The following GRIK4 variants were observed in gnomAD, a reference collection of about 807,000 sequenced individuals.
The protein encoded by GRIK4 is glutamate ionotropic receptor kainate type subunit 4.
GRIK4 carries 40 observed loss-of-function variants against 104.9 expected under a neutral mutation model. The observed-to-expected ratio is 0.38, with a 90% CI of 0.30 to 0.50. GRIK4 has a LOEUF of 0.50. GRIK4 is among the 20% of genes least tolerant of loss of function. The pLI, the probability that GRIK4 is intolerant of heterozygous loss-of-function variation, is 0.93. For synonymous variants in GRIK4, 485 were observed against 524.9 expected, an observed-to-expected ratio of 0.92 and a Z score of 1.04; for missense variants, 1,047 against 1,308.1, an observed-to-expected ratio of 0.80 and a Z score of 3.08.
chr11:120,712,050 G>T (rs1191782656), intron 3 of GRIK4, among the ~76,000 whole-genome samples: 1 of 152,276 alleles, frequency 6.6e-6, no homozygotes, highest in Non-Finnish European at 1.5e-5. Context: ...AGCACACAAG[G>T]TCGCTGCTTC....
At chr11:120,516,920 T>A (rs1274680910) in intron 1 of GRIK4, among the ~76,000 whole-genome samples, 1 of 151,786 alleles carries the variant, frequency 6.6e-6, no homozygotes, top group Non-Finnish European at 1.5e-5. Context: ...GGGCGGCGGC[T>A]GCTGCGTTCC....
intron 3 of GRIK4, among the ~76,000 whole-genome samples, chr11:120,732,017 T>C (rs1951139978): frequency 6.6e-6 from 1 of 150,714 alleles, no homozygotes; most frequent in South Asian, 2.1e-4. Context: ...GTTTCATTGA[T>C]TTTTTTGTAT....
In GRIK4 at chr11:120,819,529, A is replaced by G. The variant is rs962636972; in HGVS notation, c.346-226A>G. On this transcript the variant is annotated intron_variant, in intron 5 of 20. Transcript: ENST00000527524. This position sits in a 1 kb window ranked among gnomAD's most constrained non-coding sequence, Gnocchi z 4.3. ...GTGCATTCATCCGGGTCTCTGGACA[A>G]ATAGTTTTCTGTCCTGGGGCTGCTT... Among the ~76,000 whole-genome samples the G allele has an allele frequency of 2.6e-5, 4 of 152,146 alleles. No individual in the cohort carries two copies. Among genetic ancestry groups the G allele is most frequent in the African/African-American group, 9.7e-5 (4 of 41,432 alleles).
At chr11:120,709,851 CG>C (rs1227990908) in intron 3 of GRIK4, among the ~76,000 whole-genome samples, 1 of 152,038 alleles carries the variant, frequency 6.6e-6, no homozygotes, top group Non-Finnish European at 1.5e-5. Context: ...ATAAAATGGC[CG>C]GGATGCTCTC....
chr11:120,642,378 C>T (rs1949480949), intron 1 of GRIK4, among the ~76,000 whole-genome samples: 1 of 152,046 alleles, frequency 6.6e-6, no homozygotes, highest in Admixed American at 6.5e-5. Flanking sequence ...CCAGTACTAT[C>T]ACGAAAAGAA....
At position 120,616,298 on chromosome 11, in the gene GRIK4, A is replaced by T. The variant is rs906251173; in HGVS notation, c.-158-37387A>T. ...GGGCCATGATGGATTGTGACCACTC[A>T]GCTTGTGGGTCAATAATCCCTTTAC... On this transcript the variant is annotated intron_variant, in intron 1 of 20. Transcript: ENST00000527524. 3.9e-4 allele frequency among the ~76,000 whole-genome samples: 59 copies of T among 152,136 alleles called. 1 individual carries two copies. Among genetic ancestry groups the T allele is most frequent in the African/African-American group, 1.4e-3 (57 of 41,424 alleles).
At chr11:120,517,693 A>G (rs1338209382) in intron 1 of GRIK4, among the ~76,000 whole-genome samples, 4 of 152,100 alleles carry the variant, frequency 2.6e-5, no homozygotes. Context: ...CGCCCTATAA[A>G]CAAAGGCATA....
At chr11:120,863,411 A>G (rs1341444782) in intron 9 of GRIK4, among the ~76,000 whole-genome samples, 1 of 152,232 alleles carries the variant, frequency 6.6e-6, no homozygotes, top group Non-Finnish European at 1.5e-5. Context: ...TAGCATCTAT[A>G]TTTGTGTAAG....
chr11:120,965,411 G>A (rs1374882579), intron 18 of GRIK4, among the ~76,000 whole-genome samples: 1 of 152,232 alleles, frequency 6.6e-6, no homozygotes, highest in Non-Finnish European at 1.5e-5. Context: ...CACGGCAGAT[G>A]TGTAATAAGT....
chr11:120,696,726 G>A (rs954375241), intron 3 of GRIK4, among the ~76,000 whole-genome samples: 1 of 152,150 alleles, frequency 6.6e-6, no homozygotes, highest in South Asian at 2.1e-4. Flanking sequence ...GGCAGCAGGG[G>A]TGGACCGGAG....
At chr11:120,841,475 G>T (rs987643717) in intron 8 of GRIK4, among the ~76,000 whole-genome samples, 4 of 152,178 alleles carry the variant, frequency 2.6e-5, no homozygotes, top group African/African-American at 4.8e-5. Flanking sequence ...CTATGTGTGT[G>T]TAGACACACA....
At chr11:120,619,416 T>C (rs369185603) in intron 1 of GRIK4, among the ~76,000 whole-genome samples, 1 of 152,228 alleles carries the variant, frequency 6.6e-6, no homozygotes, top group East Asian at 1.9e-4. Flanking sequence ...TTTGAGTTAA[T>C]GCTGGAATGA....
chr11:120,955,465 C>T (rs1047164199), intron 15 of GRIK4, among the ~76,000 whole-genome samples: 3 of 152,226 alleles, frequency 2.0e-5, no homozygotes, highest in African/African-American at 7.2e-5. Flanking sequence ...CACAGCACCC[C>T]GCCCTCCTGG....
chr11:120,635,087 G>T (rs1234108276), intron 1 of GRIK4, among the ~76,000 whole-genome samples: 17 of 152,270 alleles, frequency 1.1e-4, no homozygotes, highest in African/African-American at 4.1e-4. Flanking sequence ...GGGCAGCTGA[G>T]TGTGGCCCAG....
intron 1 of GRIK4, among the ~76,000 whole-genome samples, chr11:120,638,196 T>C (rs1171665566): frequency 6.6e-6 from 1 of 152,052 alleles, no homozygotes; most frequent in Admixed American, 6.6e-5. Flanking sequence ...TATTATTAAT[T>C]TAACAATTAT....
chr11:120,942,330 C>T (rs1943745006), intron 14 of GRIK4, among the ~76,000 whole-genome samples: 1 of 152,204 alleles, frequency 6.6e-6, no homozygotes. Context: ...GTCTTCCAGC[C>T]AGCACCATTT....
rs568242457 is a variant in GRIK4, at chr11:120,641,830, G to A, written c.-158-11855G>A. ...GAATGCCTAACTTCCTGGGAATGCA[G>A]CCCAGTAGGTCTCAGCCTCATTTTA... On this transcript the variant is annotated intron_variant, in intron 1 of 20. Transcript: ENST00000527524. Among the ~76,000 whole-genome samples, 4 of 152,324 alleles carry A rather than the reference G, an allele frequency of 2.6e-5. No individual in the cohort carries two copies. In the South Asian group the frequency reaches 6.2e-4, roughly 24 times the overall value.
intron 3 of GRIK4, among the ~76,000 whole-genome samples, chr11:120,736,784 C>T (rs1951230715): frequency 6.6e-6 from 1 of 151,858 alleles, no homozygotes; most frequent in Admixed American, 6.6e-5. Flanking sequence ...CTCTCTCTCC[C>T]CTCACCCTGC....
intron 3 of GRIK4, among the ~76,000 whole-genome samples, chr11:120,791,075 G>A (rs1424483437): frequency 6.6e-6 from 1 of 152,160 alleles, no homozygotes; most frequent in African/African-American, 2.4e-5. Context: ...TATCTGCATA[G>A]GGCTGATAGT....
Sources: allele counts gnomAD v4.1 joint callset (sites outside exome capture counted in the v4.1 genomes callset), GRCh38; gene constraint gnomAD v4.1.1; non-coding constraint Gnocchi (gnomAD v3.1); transcripts MANE v1.5; gene names NCBI Gene and HGNC (gene_info 2026-07-23, HGNC 2026-07-21).